Variants in CUL2 observed in about 807,000 individuals in gnomAD.
The protein encoded by CUL2 is cullin 2.
A neutral mutation model predicts 110.2 loss-of-function variants in CUL2; 22 were observed. The ratio of observed to expected loss-of-function variants is 0.20; its 90% CI spans 0.14 to 0.28. The LOEUF (loss-of-function observed/expected upper bound fraction) is 0.28. Ranked by LOEUF, CUL2 falls within the 10% of genes least tolerant of loss-of-function variation. The pLI, the probability that CUL2 is intolerant of heterozygous loss-of-function variation, is 1.00. For synonymous variants in CUL2, 279 were observed against 293.2 expected, an observed-to-expected ratio of 0.95 and a Z score of 0.49; for missense variants, 631 against 905.5, an observed-to-expected ratio of 0.70 and a Z score of 3.89.
chr10:35,100,778 A>G (rs1176303280), intron 2 of CUL2: 2 of 148,366 alleles, frequency 1.3e-5, no homozygotes, highest in East Asian at 4.0e-4. Flanking sequence ...AAAAAAAAAA[A>G]AAGACCCTAC....
intron 10 of CUL2, among the ~76,000 whole-genome samples, chr10:35,034,051 CAG>C (rs895889546): frequency 6.6e-5 from 10 of 152,314 alleles, no homozygotes; most frequent in Admixed American, 2.6e-4. Flanking sequence ...CCTCACATCT[CAG>C]AGAGAAGAAA....
intron 2 of CUL2, among the ~76,000 whole-genome samples, chr10:35,063,286 T>C (rs2086430276): frequency 6.6e-6 from 1 of 152,204 alleles, no homozygotes. Context: ...TGAGAATTAT[T>C]TGAAGACACT....
intron 17 of CUL2, among the ~76,000 whole-genome samples, chr10:35,022,782 C>T (rs752972605): frequency 3.9e-5 from 6 of 152,154 alleles, no homozygotes; most frequent in Non-Finnish European, 8.8e-5. Context: ...CACGGTGGCT[C>T]ATGCCTGTAA....
intron 1 of CUL2, among the ~76,000 whole-genome samples, chr10:35,109,946 G>A (rs2087506623): frequency 6.6e-6 from 1 of 152,172 alleles, no homozygotes; most frequent in African/African-American, 2.4e-5. Flanking sequence ...GGCTGAGGCA[G>A]GAGGATTGCT....
chr10:35,045,173 G>A (rs1328212618), intron 6 of CUL2, among the ~76,000 whole-genome samples: 1 of 152,138 alleles, frequency 6.6e-6, no homozygotes, highest in Non-Finnish European at 1.5e-5. Context: ...GTAGATACGA[G>A]CCCATCAATT....
intron 5 of CUL2, among the ~76,000 whole-genome samples, chr10:35,050,384 T>G (rs969093714): frequency 1.3e-5 from 2 of 152,134 alleles, no homozygotes; most frequent in Non-Finnish European, 2.9e-5. Flanking sequence ...AAATGGGCTA[T>G]AGATACCTAG....
At chr10:35,020,532 C>T (rs1272658112) in intron 17 of CUL2, among the ~76,000 whole-genome samples, 1 of 152,198 alleles carries the variant, frequency 6.6e-6, no homozygotes, top group Non-Finnish European at 1.5e-5. Context: ...ACTACCAACA[C>T]ATACTATGAT....
intron 10 of CUL2, among the ~76,000 whole-genome samples, chr10:35,033,681 G>A (rs1397932480): frequency 6.6e-6 from 1 of 151,576 alleles, no homozygotes; most frequent in Admixed American, 6.6e-5. Context: ...AGGTTGCAGT[G>A]AGCAGAGATC....
intron 8 of CUL2, among the ~76,000 whole-genome samples, chr10:35,039,909 T>C (rs377234385): frequency 5.9e-4 from 90 of 152,110 alleles, no homozygotes; most frequent in African/African-American, 2.0e-3. Flanking sequence ...TCCCAGCACT[T>C]TGGGAGGCCG....
intron 1 of CUL2, among the ~76,000 whole-genome samples, chr10:35,071,856 AG>A (rs1437551108): frequency 6.6e-6 from 1 of 152,230 alleles, no homozygotes; most frequent in Non-Finnish European, 1.5e-5. Flanking sequence ...ATTCATTACA[AG>A]CTCTAGGAAA....
intron 1 of CUL2, among the ~76,000 whole-genome samples, chr10:35,071,753 T>C (rs1478046660): frequency 6.6e-6 from 1 of 152,148 alleles, no homozygotes; most frequent in Non-Finnish European, 1.5e-5. Flanking sequence ...GCATGATATA[T>C]GCAAGGAGTG....
At chr10:35,025,706 A>G (rs2085321265) in intron 16 of CUL2, among the ~76,000 whole-genome samples, 1 of 152,198 alleles carries the variant, frequency 6.6e-6, no homozygotes, top group Non-Finnish European at 1.5e-5. Flanking sequence ...TTTAAATTCT[A>G]TTAATGTAGC....
At chr10:35,039,688 A>G (rs2085728472) in intron 8 of CUL2, among the ~76,000 whole-genome samples, 1 of 152,164 alleles carries the variant, frequency 6.6e-6, no homozygotes, top group African/African-American at 2.4e-5. Context: ...AATATGGCGA[A>G]ACCCTGTCTC....
Position 35,011,520 on chromosome 10 carries a change from A to C in CUL2, c.2106+328T>G, listed in dbSNP as rs542998104. 2.3e-4 allele frequency among the ~76,000 whole-genome samples: 35 copies of C among 152,242 alleles called. No homozygotes were observed. In the South Asian group the frequency reaches 7.2e-3, roughly 32 times the overall value. Reference sequence around the variant, plus strand: ...GTATTCCCAACTACTCGGGAGGCTGAGGCAGGAGACTCACTTGAACCTGGG... The same window carrying C: ...GTATTCCCAACTACTCGGGAGGCTGCGGCAGGAGACTCACTTGAACCTGGG... On this transcript the variant is annotated intron_variant, in intron 20 of 20. Coordinates refer to ENST00000374749, the MANE Select transcript of CUL2 (RefSeq NM_003591.4).
In CUL2 at chr10:35,009,201, T is replaced by TATATTATA. The variant is rs1554851929; in HGVS notation, c.*1109_*1110insTATAATAT. ...CTGTTGAGATATATATATATATATA[T>TATATTATA]TATATATATATATATATATAAAATA... On this transcript the variant is annotated 3_prime_UTR_variant, in exon 21 of 21. Transcript: ENST00000374749. 6.5e-5 allele frequency: 9 copies of TATATTATA among 137,896 alleles called. No homozygotes were observed. Among genetic ancestry groups the TATATTATA allele is most frequent in the African/African-American group, 2.4e-4 (9 of 37,358 alleles). 8.5% of individuals were successfully genotyped at this position (137,896 alleles called of 1,614,324 possible).
At chr10:35,097,801 A>C (rs2087319970) in intron 2 of CUL2, among the ~76,000 whole-genome samples, 1 of 152,002 alleles carries the variant, frequency 6.6e-6, no homozygotes, top group African/African-American at 2.4e-5. Context: ...TTTACCAAAA[A>C]TACAAAAATT....
At chr10:35,069,285 T>C (rs896052050) in intron 2 of CUL2, among the ~76,000 whole-genome samples, 1 of 152,094 alleles carries the variant, frequency 6.6e-6, no homozygotes, top group Non-Finnish European at 1.5e-5. Flanking sequence ...ACACCTGTAA[T>C]CCTAGCACTT....
intron 10 of CUL2, among the ~76,000 whole-genome samples, chr10:35,033,618 T>A (rs1724496659): frequency 2.0e-5 from 3 of 151,888 alleles, no homozygotes; most frequent in African/African-American, 7.3e-5. Flanking sequence ...CCACCTGTAA[T>A]CCCAGCTACA....
chr10:35,101,781 C>G (rs761547163), intron 1 of CUL2, among the ~76,000 whole-genome samples: 1 of 152,226 alleles, frequency 6.6e-6, no homozygotes, highest in Admixed American at 6.5e-5. Flanking sequence ...AGAGCAGTTG[C>G]TATTGACATT....
Sources: gnomAD v4.1 joint callset for allele counts (sites outside exome capture counted in the v4.1 genomes callset) on GRCh38, gnomAD v4.1.1 for gene constraint, MANE v1.5 for transcripts, NCBI Gene and HGNC (gene_info 2026-07-23, HGNC 2026-07-21) for gene names.